ADAMTSL1: variants seen among roughly 807,000 people sequenced by gnomAD.
ADAMTSL1 encodes the protein ADAMTS like 1.
ADAMTSL1 carries 126 observed loss-of-function variants against 201.8 expected under a neutral mutation model. The observed-to-expected ratio is 0.62, with a 90% CI of 0.54 to 0.72. The LOEUF (loss-of-function observed/expected upper bound fraction) is 0.72. Among genes scored for constraint, ADAMTSL1 ranks in the 30% least tolerant of loss-of-function variants. ADAMTSL1 has a pLI of 0.00. For missense variants in ADAMTSL1, 2,679 were observed against 2,277.8 expected (o/e 1.18, Z -3.59); for synonymous variants, 1,121 against 903.4 (o/e 1.24, Z -4.32).
chr9:18,535,949 CA>C (rs1241264675), intron 3 of ADAMTSL1, among the ~76,000 whole-genome samples: 1 of 152,058 alleles, frequency 6.6e-6, no homozygotes, highest in Non-Finnish European at 1.5e-5. Flanking sequence ...GGGACACAGC[CA>C]AATCATATCA....
At chr9:18,646,010 C>T (rs1290533399) in intron 7 of ADAMTSL1, among the ~76,000 whole-genome samples, 1 of 152,092 alleles carries the variant, frequency 6.6e-6, no homozygotes, top group Admixed American at 6.5e-5. Context: ...ACTGATTCTT[C>T]CTATCCATGA....
At chr9:18,000,269 G>T (rs906658732) in intron 1 of ADAMTSL1, among the ~76,000 whole-genome samples, 1 of 150,094 alleles carries the variant, frequency 6.7e-6, no homozygotes, top group Non-Finnish European at 1.5e-5. Flanking sequence ...AGCACCTGTT[G>T]TTTCCTGACT....
At chr9:18,667,445 G>A (rs1829518751) in intron 9 of ADAMTSL1, among the ~76,000 whole-genome samples, 1 of 152,086 alleles carries the variant, frequency 6.6e-6, no homozygotes. Flanking sequence ...GGGAGCTTTG[G>A]CATAAAACGT....
intron 7 of ADAMTSL1, among the ~76,000 whole-genome samples, chr9:18,657,260 A>T (rs892401162): frequency 3.3e-5 from 5 of 152,224 alleles, no homozygotes; most frequent in Non-Finnish European, 2.9e-5. Context: ...TAATTTTCTT[A>T]GAACAAATTG....
At chr9:18,489,102 G>A (rs1053414257) in intron 1 of ADAMTSL1, among the ~76,000 whole-genome samples, 2 of 152,182 alleles carry the variant, frequency 1.3e-5, no homozygotes, top group African/African-American at 4.8e-5. Context: ...GGTCTGGGGA[G>A]AGACCCAGAC....
chr9:18,049,075 T>C (rs1286543239), intron 1 of ADAMTSL1, among the ~76,000 whole-genome samples: 2 of 152,296 alleles, frequency 1.3e-5, no homozygotes, highest in South Asian at 2.1e-4. Context: ...CTGCTTTCTC[T>C]GTGTCTCTGC....
chr9:17,935,729 G>A (rs2811819), intron 1 of ADAMTSL1, among the ~76,000 whole-genome samples: 129,491 of 152,182 alleles, frequency 0.85, 55,287 homozygotes, highest in East Asian at 0.94. Context: ...CTATCTGTAG[G>A]TGCAGATGGA....
chr9:18,622,456 C>G (rs773988740), intron 5 of ADAMTSL1, 87 bp downstream of exon 5: 2 of 1,567,404 alleles, frequency 1.3e-6, no homozygotes, highest in Non-Finnish European at 1.7e-6. Flanking sequence ...AGCCAGGGAA[C>G]AACACCTCCA....
At chr9:18,661,380 A>G (rs1443126078) in intron 8 of ADAMTSL1, among the ~76,000 whole-genome samples, 2 of 152,172 alleles carry the variant, frequency 1.3e-5, no homozygotes, top group East Asian at 1.9e-4. Flanking sequence ...TGGAATCTCA[A>G]TGGTACATTT....
At chr9:18,187,659 T>G (rs1166558369) in intron 2 of ADAMTSL1, among the ~76,000 whole-genome samples, 1 of 152,134 alleles carries the variant, frequency 6.6e-6, no homozygotes, top group African/African-American at 2.4e-5. Flanking sequence ...TAATATATAT[T>G]TGGACTTTCT....
chr9:17,936,402 G>A (rs1291647786), intron 1 of ADAMTSL1, among the ~76,000 whole-genome samples: 3 of 152,074 alleles, frequency 2.0e-5, no homozygotes, highest in East Asian at 1.9e-4. Context: ...TGGTGACAGG[G>A]GCCATAGTTA....
At chr9:18,764,152 T>C (rs910106041) in intron 16 of ADAMTSL1, among the ~76,000 whole-genome samples, 1 of 152,230 alleles carries the variant, frequency 6.6e-6, no homozygotes, top group African/African-American at 2.4e-5. Flanking sequence ...CATTTTTTGA[T>C]GTTCTCTTCA....
intron 2 of ADAMTSL1, among the ~76,000 whole-genome samples, chr9:18,528,681 A>G (rs752989639): frequency 1.3e-5 from 2 of 152,164 alleles, no homozygotes; most frequent in African/African-American, 2.4e-5. Context: ...TGTGCATATT[A>G]CATTTTTATA....
intron 1 of ADAMTSL1, among the ~76,000 whole-genome samples, chr9:18,066,864 A>G (rs1822727325): frequency 1.3e-5 from 2 of 152,256 alleles, no homozygotes; most frequent in South Asian, 4.1e-4. Context: ...GGAAATCATC[A>G]TTCTCAGTAA....
At chr9:18,619,848 G>C (rs112989535) in intron 4 of ADAMTSL1, among the ~76,000 whole-genome samples, 1 of 152,026 alleles carries the variant, frequency 6.6e-6, no homozygotes, top group Non-Finnish European at 1.5e-5. Context: ...CAATGCCTGC[G>C]CTGTCCTTCC....
chr9:18,108,799 G>C (rs1824875402), intron 1 of ADAMTSL1, among the ~76,000 whole-genome samples: 1 of 151,494 alleles, frequency 6.6e-6, no homozygotes, highest in Admixed American at 6.6e-5. Context: ...TTTTCAATGT[G>C]TAATTATTTA....
chr9:18,176,193 A>G (rs767854010), intron 2 of ADAMTSL1, among the ~76,000 whole-genome samples: 1 of 152,026 alleles, frequency 6.6e-6, no homozygotes, highest in Non-Finnish European at 1.5e-5. Context: ...AACTTTACTT[A>G]TCATTTTATA....
intron 15 of ADAMTSL1, chr9:18,723,959 G>T (rs1817710241): frequency 1.3e-5 from 2 of 152,200 alleles, no homozygotes; most frequent in Admixed American, 6.5e-5. Flanking sequence ...CACAACCTCT[G>T]TTCTGTTGGG....
At chr9:18,097,973 G>A (rs921475859) in intron 1 of ADAMTSL1, among the ~76,000 whole-genome samples, 2 of 151,636 alleles carry the variant, frequency 1.3e-5, no homozygotes, top group South Asian at 2.1e-4. Context: ...TTTAGGTTTA[G>A]GTTAGTGATC....
Sources: allele counts gnomAD v4.1 joint callset (sites outside exome capture counted in the v4.1 genomes callset), GRCh38; gene constraint gnomAD v4.1.1; transcripts MANE v1.5; gene names NCBI Gene and HGNC (gene_info 2026-07-23, HGNC 2026-07-21).